Variants in PAPOLG observed in about 807,000 individuals in gnomAD.
The protein encoded by PAPOLG is PAP-gamma.
Under a neutral mutation model 99.0 loss-of-function variants are expected in PAPOLG, and 40 were observed. The ratio of observed to expected loss-of-function variants is 0.40; its 90% CI spans 0.31 to 0.53. The LOEUF is 0.53. Ranked by LOEUF, PAPOLG falls within the 20% of genes least tolerant of loss-of-function variation. The probability of loss-of-function intolerance (pLI) is 0.41; values close to 1 mark genes in which losing one functional copy is unlikely to be tolerated. For synonymous variants in PAPOLG, 310 were observed against 299.3 expected, an observed-to-expected ratio of 1.04 and a Z score of -0.37; for missense variants, 675 against 884.1, an observed-to-expected ratio of 0.76 and a Z score of 3.00.
rs1019038301 is a variant in PAPOLG, at chr2:60,797,541, T to G, written c.*381T>G. On this transcript the variant is annotated 3_prime_UTR_variant, in exon 22 of 22. Coordinates refer to ENST00000238714, the MANE Select transcript of PAPOLG (RefSeq NM_022894.4). ...TGTTTTTTGTGTTTTTCTTTTTTTGTCTTATGTTGTAATCATTGTATAGAG... is the reference window on the plus strand; with the variant it reads ...TGTTTTTTGTGTTTTTCTTTTTTTGGCTTATGTTGTAATCATTGTATAGAG... The G allele has an allele frequency of 5.9e-6, 1 of 170,480 alleles. No individual in the cohort carries two copies. 10.6% of individuals were successfully genotyped at this position (170,480 alleles called of 1,614,324 possible).
At chr2:60,773,249 A>G (rs1359393494) in intron 7 of PAPOLG, among the ~76,000 whole-genome samples, 3 of 152,148 alleles carry the variant, frequency 2.0e-5, no homozygotes, top group East Asian at 1.9e-4. Context: ...GTACACTACA[A>G]TCCAATGTTA....
chr2:60,794,256 A>G (rs1199595245), intron 19 of PAPOLG, 65 bp downstream of exon 19: 1 of 1,441,410 alleles, frequency 6.9e-7, no homozygotes, highest in Non-Finnish European at 9.3e-7. Context: ...CTAAAGAAAC[A>G]ATTTTCCATA....
Position 60,797,488 on chromosome 2 carries a change from T to A in PAPOLG, c.*328T>A, listed in dbSNP as rs1474629054. The A allele has an allele frequency of 1.6e-5, 4 of 248,688 alleles. No homozygotes were observed. Among genetic ancestry groups the A allele is most frequent in the Non-Finnish European group, 3.1e-5 (4 of 129,228 alleles). The allele number at this position is 248,688 out of a possible 1,614,324, so 15.4% of individuals were successfully genotyped here. On this transcript the variant is annotated 3_prime_UTR_variant, in exon 22 of 22. Transcript: ENST00000238714. The stretch of plus-strand genomic sequence containing the variant: ...CAGTTCTTAGCCACTTGGACACTGA[T>A]AACAAGTCCTGAACTCCTTTTTTGT...
At chr2:60,762,752 G>A (rs200198402) in intron 3 of PAPOLG, among the ~76,000 whole-genome samples, 4 of 151,138 alleles carry the variant, frequency 2.6e-5, no homozygotes, top group Admixed American at 6.6e-5. Context: ...TCAGCCTCCC[G>A]AGTAGCTGGG....
chr2:60,794,390 G>T, intron 19 of PAPOLG, 199 bp downstream of exon 19: 1 of 637,976 alleles, frequency 1.6e-6, no homozygotes. Flanking sequence ...TGATTGGTCT[G>T]AGTTTCTCCT....
At chr2:60,768,706 C>T (rs1670759481) in intron 4 of PAPOLG, 75 bp from the exon 5 acceptor site, 4 of 1,386,786 alleles carry the variant, frequency 2.9e-6, no homozygotes, top group African/African-American at 1.5e-5. Flanking sequence ...TTCTTCTGTA[C>T]ATATGTTTGT....
chr2:60,777,321 T>C (rs562122075), intron 8 of PAPOLG, among the ~76,000 whole-genome samples: 1 of 152,056 alleles, frequency 6.6e-6, no homozygotes, highest in Non-Finnish European at 1.5e-5. Context: ...CCGAGTGTGG[T>C]GGCACGTGCC....
intron 1 of PAPOLG, among the ~76,000 whole-genome samples, chr2:60,759,269 G>A (rs1026692346): frequency 3.3e-5 from 5 of 151,998 alleles, no homozygotes; most frequent in Non-Finnish European, 5.9e-5. Context: ...TTGGGAGGCT[G>A]AGGTAGGAGA....
intron 15 of PAPOLG, 47 bp from the exon 16 acceptor site, chr2:60,791,714 T>A (rs764256265): frequency 1.9e-6 from 3 of 1,561,350 alleles, no homozygotes; most frequent in Non-Finnish European, 1.7e-6. Flanking sequence ...GGCAGAACCC[T>A]TGGTTCAGAA....
Position 60,782,749 on chromosome 2 carries a change from C to T in PAPOLG, c.1091C>T (p.Pro364Leu), listed in dbSNP as rs759118039. 1.7e-5 allele frequency: 27 copies of T among 1,561,480 alleles called. No individual in the cohort carries two copies. Among genetic ancestry groups the T allele is most frequent in the East Asian group, 1.6e-4 (7 of 42,454 alleles). Residue 364 changes from proline (P) to leucine (L), a missense_variant, in exon 12 of 22, where the codon CCG becomes CTG. Physicochemically the swap from Pro to Leu is moderately conservative, Grantham distance 98 (BLOSUM62 -3). Transcript: ENST00000238714. ...KSDWSKLLEP[P>L]NFFQKYRHYI... Reference sequence around the variant, plus strand: ...GATTGGTCCAAACTACTTGAGCCACCGAATTTCTTTCAAAAGTATAGGTAC... The same window carrying T: ...GATTGGTCCAAACTACTTGAGCCACTGAATTTCTTTCAAAAGTATAGGTAC...
Position 60,797,173 on chromosome 2 carries a change from C to A in PAPOLG, c.*13C>A. ...CCTTAATCGGTAAAAGCAGTGCCTC[C>A]TCACTTAAGTGAACAAGCAATCATT... On this transcript the variant is annotated 3_prime_UTR_variant, in exon 22 of 22. Coordinates refer to ENST00000238714, the MANE Select transcript of PAPOLG (RefSeq NM_022894.4). 1 of 1,613,574 alleles carries A rather than the reference C, an allele frequency of 6.2e-7. No individual in the cohort carries two copies. The highest frequency in any genetic ancestry group is 8.5e-7 in the Non-Finnish European group (1 of 1,179,580).
intron 15 of PAPOLG, among the ~76,000 whole-genome samples, chr2:60,790,678 T>C (rs966955658): frequency 6.6e-6 from 1 of 152,204 alleles, no homozygotes; most frequent in Non-Finnish European, 1.5e-5. Flanking sequence ...AATAAGGATG[T>C]ATTTGTAAGA....
At chr2:60,765,391 T>TC (rs35715314) in intron 3 of PAPOLG, among the ~76,000 whole-genome samples, 4 of 57,206 alleles carry the variant, frequency 7.0e-5, no homozygotes, top group Non-Finnish European at 1.7e-4. Context: ...TATAATTCTC[T>TC]TTTTTTTTTT....
At chr2:60,761,066 A>C (rs1437258733) in intron 2 of PAPOLG, among the ~76,000 whole-genome samples, 1 of 152,134 alleles carries the variant, frequency 6.6e-6, no homozygotes, top group Non-Finnish European at 1.5e-5. Context: ...CTTAGGGTTT[A>C]ATGACTGGAA....
intron 15 of PAPOLG, among the ~76,000 whole-genome samples, chr2:60,789,701 T>A (rs193033562): frequency 1.3e-5 from 2 of 152,384 alleles, no homozygotes; most frequent in African/African-American, 4.8e-5. Flanking sequence ...CTTAAGAATC[T>A]GGAATAGTTA....
chr2:60,762,860 C>G (rs1166597862), intron 3 of PAPOLG, among the ~76,000 whole-genome samples: 1 of 152,068 alleles, frequency 6.6e-6, no homozygotes, highest in African/African-American at 2.4e-5. Flanking sequence ...CTCCTGATCT[C>G]AGGTGATCCG....
At position 60,786,974 on chromosome 2, in the gene PAPOLG, T is replaced by A; in HGVS notation, c.1194T>A (p.Arg398=). 2 of 1,611,984 alleles carry A rather than the reference T, an allele frequency of 1.2e-6. No homozygotes were observed. The highest frequency in any genetic ancestry group is 2.2e-5 in the South Asian group (2 of 90,786). The change falls in exon 14 of 22, where the codon CGT becomes CGA. Residue 398 remains arginine, a synonymous_variant. Coordinates refer to ENST00000238714, the MANE Select transcript of PAPOLG (RefSeq NM_022894.4). The part of the protein sequence containing the change: ...EWVGLVESKI[R]VLVGNLERNE... ...TTGGATTAGTAGAATCTAAAATCCGTGTACTTGTTGGAAACTTGGAACGGA... is the reference window on the plus strand; with the variant it reads ...TTGGATTAGTAGAATCTAAAATCCGAGTACTTGTTGGAAACTTGGAACGGA...
chr2:60,758,938 A>G (rs1320382626), intron 1 of PAPOLG, among the ~76,000 whole-genome samples: 3 of 152,224 alleles, frequency 2.0e-5, no homozygotes, highest in Non-Finnish European at 4.4e-5. Context: ...TCATGGAAGC[A>G]TGGTGAAGAT....
chr2:60,780,605 ACATT>A, intron 9 of PAPOLG, 98 bp from the exon 10 acceptor site: 1 of 1,234,880 alleles, frequency 8.1e-7, no homozygotes, highest in Non-Finnish European at 1.2e-6. Context: ...AATACCCAGA[ACATT>A]CACTCTGTAG....
Sources: allele counts gnomAD v4.1 joint callset (sites outside exome capture counted in the v4.1 genomes callset), GRCh38; gene constraint gnomAD v4.1.1; transcripts MANE v1.5; gene names NCBI Gene and HGNC (gene_info 2026-07-23, HGNC 2026-07-21).